The following SYCP2 variants were observed in gnomAD, a reference collection of about 807,000 sequenced individuals.
The protein encoded by SYCP2 is synaptonemal complex protein 2.
In SYCP2, 55 loss-of-function variants were observed where a neutral mutation model predicts 211.3. The ratio of observed to expected loss-of-function variants is 0.26; its 90% CI spans 0.21 to 0.33. The LOEUF is 0.33. SYCP2 is among the 10% of genes least tolerant of loss of function. The pLI, the probability that SYCP2 is intolerant of heterozygous loss-of-function variation, is 1.00. For synonymous variants in SYCP2, 570 were observed against 555.2 expected (o/e 1.03, Z -0.37); for missense variants, 1,731 against 1,752.0 (o/e 0.99, Z 0.21).
At chr20:59,871,915 T>C (rs1218688232) in intron 35 of SYCP2, among the ~76,000 whole-genome samples, 2 of 152,014 alleles carry the variant, frequency 1.3e-5, no homozygotes, top group African/African-American at 2.4e-5. Context: ...CCCACAGATA[T>C]GGAGGGCCAA....
intron 15 of SYCP2, among the ~76,000 whole-genome samples, chr20:59,903,227 TC>T (rs2060149859): frequency 6.6e-6 from 1 of 152,144 alleles, no homozygotes; most frequent in Admixed American, 6.6e-5. Flanking sequence ...TGGCTTGGTT[TC>T]CTTTTTAATT....
At chr20:59,911,981 A>T in intron 13 of SYCP2, 136 bp from the exon 14 acceptor site, 1 of 459,438 alleles carries the variant, frequency 2.2e-6, no homozygotes, top group Non-Finnish European at 3.9e-6. Flanking sequence ...CAAGTATAAT[A>T]TTTAGATAAA....
intron 7 of SYCP2, 23 bp from the exon 8 acceptor site, chr20:59,916,594 T>C (rs1338639714): frequency 7.0e-7 from 1 of 1,436,742 alleles, no homozygotes; most frequent in Non-Finnish European, 9.8e-7. Context: ...GTTAAATTAT[T>C]GATAAATGTT....
chr20:59,919,019 T>C, intron 7 of SYCP2, 139 bp downstream of exon 7: 2 of 467,368 alleles, frequency 4.3e-6, no homozygotes, highest in South Asian at 5.7e-5. Context: ...TATCTGGCCC[T>C]TTACAGTAAA....
intron 1 of SYCP2, among the ~76,000 whole-genome samples, chr20:59,932,902 G>A (rs964444987): frequency 6.6e-6 from 1 of 152,146 alleles, no homozygotes; most frequent in Non-Finnish European, 1.5e-5. Context: ...CGAGCAGGAG[G>A]AAGGTTTTGC....
intron 2 of SYCP2, among the ~76,000 whole-genome samples, chr20:59,925,494 T>C (rs2060618105): frequency 6.6e-6 from 1 of 152,084 alleles, no homozygotes; most frequent in Non-Finnish European, 1.5e-5. Context: ...ATTATTCACA[T>C]GTGTGAATAT....
chr20:59,900,636 A>G, intron 17 of SYCP2, 108 bp downstream of exon 17: 1 of 755,016 alleles, frequency 1.3e-6, no homozygotes, highest in Non-Finnish European at 2.2e-6. Flanking sequence ...TTATATTGAG[A>G]CCATTTGTTT....
intron 26 of SYCP2, among the ~76,000 whole-genome samples, chr20:59,884,947 T>C (rs544296096): frequency 9.0e-4 from 137 of 152,092 alleles, no homozygotes; most frequent in Non-Finnish European, 1.6e-3. Context: ...TCTTGCCAAA[T>C]GGGTTTTTGA....
rs2060380248 is a variant in SYCP2 at position 59,913,877 on chromosome 20, C to T, written c.830+98G>A. The T allele has an allele frequency of 5.6e-5, 48 of 857,234 alleles. No individual in the cohort carries two copies. In the East Asian group the frequency reaches 1.2e-3, roughly 22 times the overall value. The allele number at this position is 857,234 out of a possible 1,614,324, so 53.1% of individuals were successfully genotyped here. ...CTACACTCCAACATAGTGTAGAGAA[C>T]AAGAATAAAGTTAAATGTATAAAGA... On this transcript the variant is annotated intron_variant, in intron 12 of 44. Transcript: ENST00000357552.
intron 38 of SYCP2, 74 bp downstream of exon 38, chr20:59,868,334 TTTGTA>T: frequency 6.8e-7 from 1 of 1,463,590 alleles, no homozygotes; most frequent in South Asian, 1.3e-5. Context: ...ACAAATTTGT[TTTGTA>T]AATAGACTCA....
chr20:59,896,088 C>G (rs1421597974), intron 19 of SYCP2, among the ~76,000 whole-genome samples: 2 of 151,922 alleles, frequency 1.3e-5, no homozygotes, highest in African/African-American at 4.8e-5. Context: ...AAAACTGGTT[C>G]TAAATTTAGC....
At chr20:59,905,123 G>T (rs2060190006) in intron 15 of SYCP2, among the ~76,000 whole-genome samples, 1 of 152,116 alleles carries the variant, frequency 6.6e-6, no homozygotes, top group African/African-American at 2.4e-5. Flanking sequence ...GTGTTAGAAA[G>T]GATGTAGAAC....
chr20:59,898,570 G>A (rs1204443136), intron 18 of SYCP2, among the ~76,000 whole-genome samples: 3 of 152,122 alleles, frequency 2.0e-5, no homozygotes, highest in Non-Finnish European at 4.4e-5. Context: ...GCGGGGTGGG[G>A]GCCTAGGGGA....
At chr20:59,901,208 C>T (rs2060109836) in intron 16 of SYCP2, among the ~76,000 whole-genome samples, 1 of 151,736 alleles carries the variant, frequency 6.6e-6, no homozygotes, top group African/African-American at 2.4e-5. Context: ...TATCTAAATG[C>T]TTTCCTTCAA....
intron 31 of SYCP2, among the ~76,000 whole-genome samples, chr20:59,879,289 C>T (rs1295115256): frequency 6.6e-6 from 1 of 150,400 alleles, no homozygotes; most frequent in East Asian, 1.9e-4. Context: ...CTATTCCATA[C>T]TTCTCTCCCT....
At chr20:59,892,780 C>T (rs1390372174) in intron 22 of SYCP2, 79 bp from the exon 23 acceptor site, 29 of 1,343,756 alleles carry the variant, frequency 2.2e-5, no homozygotes, top group Non-Finnish European at 2.3e-5. Flanking sequence ...ATGTAGTCAA[C>T]GTTTACTGAA....
rs1195019660 is a variant in SYCP2 at position 59,892,091 on chromosome 20, C to T, written c.2263G>A (p.Asp755Asn). The change falls in exon 24 of 45, where the codon GAT becomes AAT. Residue 755 changes from aspartate to asparagine, a missense_variant. By Grantham distance (23) the Asp-to-Asn change is conservative. Coordinates refer to ENST00000357552, the MANE Select transcript of SYCP2 (RefSeq NM_014258.4). ...LSKDVNTATC[D>N]KNPSASKNVQ... ...TTTTTGCTAGCAGATGGATTTTTAT[C>T]GCAAGTAGCAGTATTCACATCTTTT... The T allele has an allele frequency of 8.7e-6, 14 of 1,611,352 alleles. No individual in the cohort carries two copies. The highest frequency in any genetic ancestry group is 3.4e-5 in the Admixed American group (2 of 59,668).
At position 59,865,598 on chromosome 20, in the gene SYCP2, C is replaced by A; in HGVS notation, c.4433G>T (p.Ser1478Ile). 1 of 1,604,564 alleles carries A rather than the reference C, an allele frequency of 6.2e-7. No homozygotes were observed. The highest frequency in any genetic ancestry group is 8.5e-7 in the Non-Finnish European group (1 of 1,176,356). The change falls in exon 43 of 45, where the codon AGT becomes ATT. Residue 1478 changes from serine to isoleucine, a missense_variant. Transcript: ENST00000357552. The part of the protein sequence containing the change: ...LAKSVFCNTD[S>I]EETVFTSEMC... Reference sequence around the variant, plus strand: ...CTCGGATGTAAAAACAGTTTCTTCACTATCAGTATTACAGAAGACACTTTT... The same window carrying A: ...CTCGGATGTAAAAACAGTTTCTTCAATATCAGTATTACAGAAGACACTTTT...
At chr20:59,921,158 A>G (rs981432147) in intron 4 of SYCP2, 152 bp downstream of exon 4, 7 of 550,402 alleles carry the variant, frequency 1.3e-5, no homozygotes, top group African/African-American at 2.0e-5. Context: ...CAAACAAACA[A>G]TAATAAGCAA....
Sources: allele counts gnomAD v4.1 joint callset (sites outside exome capture counted in the v4.1 genomes callset), GRCh38; gene constraint gnomAD v4.1.1; transcripts MANE v1.5; gene names NCBI Gene and HGNC (gene_info 2026-07-23, HGNC 2026-07-21).